The following ZNF804B variants were observed in gnomAD, a reference collection of about 807,000 sequenced individuals.
ZNF804B encodes the protein zinc finger 804B.
Under a neutral mutation model 101.4 loss-of-function variants are expected in ZNF804B, and 80 were observed. That is an observed-to-expected ratio of 0.79 (90% CI 0.66 to 0.95). The LOEUF (loss-of-function observed/expected upper bound fraction) is 0.95, where lower values mean the gene tolerates loss of function less well. Among genes scored for constraint, ZNF804B ranks in the 40% least tolerant of loss-of-function variants. The pLI, the probability that ZNF804B is intolerant of heterozygous loss-of-function variation, is 0.00. For missense variants in ZNF804B, 1,673 were observed against 1,561.9 expected, an observed-to-expected ratio of 1.07 and a Z score of -1.20; for synonymous variants, 622 against 558.8, an observed-to-expected ratio of 1.11 and a Z score of -1.59.
At chr7:89,319,917 T>C (rs1004429006) in intron 2 of ZNF804B, among the ~76,000 whole-genome samples, 2 of 152,182 alleles carry the variant, frequency 1.3e-5, no homozygotes, top group African/African-American at 2.4e-5. Context: ...AAATATTATA[T>C]GCATTAATCT....
intron 2 of ZNF804B, among the ~76,000 whole-genome samples, chr7:89,249,723 A>G (rs1056587291): frequency 1.3e-5 from 2 of 152,192 alleles, no homozygotes; most frequent in Non-Finnish European, 1.5e-5. Context: ...TCGCACCTAC[A>G]GGAAATAAAA....
chr7:89,099,611 A>G (rs1305345437), intron 1 of ZNF804B, among the ~76,000 whole-genome samples: 1 of 152,200 alleles, frequency 6.6e-6, no homozygotes, highest in African/African-American at 2.4e-5. Context: ...ATTGATAGGC[A>G]TGGTGATCAA....
chr7:89,220,130 C>A (rs1788978990), intron 2 of ZNF804B, among the ~76,000 whole-genome samples: 1 of 132,540 alleles, frequency 7.5e-6, no homozygotes, highest in African/African-American at 3.1e-5. Context: ...TATATACGCA[C>A]ACATATATGT....
intron 2 of ZNF804B, among the ~76,000 whole-genome samples, chr7:89,326,676 C>T (rs1790901277): frequency 6.6e-6 from 1 of 151,978 alleles, no homozygotes; most frequent in Non-Finnish European, 1.5e-5. Context: ...AGAGGTCTTA[C>T]TTGCATGTAA....
At chr7:89,047,893 CTTTT>C (rs10569115) in intron 1 of ZNF804B, among the ~76,000 whole-genome samples, 81 of 150,682 alleles carry the variant, frequency 5.4e-4, no homozygotes, top group South Asian at 2.3e-3. Flanking sequence ...TGGCTAAATC[CTTTT>C]TTTTTTTTCC....
At chr7:89,052,463 A>G (rs1469376538) in intron 1 of ZNF804B, among the ~76,000 whole-genome samples, 1 of 152,228 alleles carries the variant, frequency 6.6e-6, no homozygotes, top group African/African-American at 2.4e-5. Flanking sequence ...TAATTAAAAT[A>G]GTAAATAATT....
intron 1 of ZNF804B, among the ~76,000 whole-genome samples, chr7:89,111,725 A>G (rs1376191449): frequency 6.6e-6 from 1 of 152,180 alleles, no homozygotes. Flanking sequence ...ATAAAAATCA[A>G]CTTATTAATT....
At chr7:89,032,101 G>A (rs535981767) in intron 1 of ZNF804B, among the ~76,000 whole-genome samples, 2 of 152,092 alleles carry the variant, frequency 1.3e-5, no homozygotes, top group East Asian at 3.9e-4. Context: ...TTTATTTTGA[G>A]TTGAAATAAA....
At chr7:89,049,469 A>G (rs373163570) in intron 1 of ZNF804B, among the ~76,000 whole-genome samples, 1 of 152,100 alleles carries the variant, frequency 6.6e-6, no homozygotes, top group Non-Finnish European at 1.5e-5. Flanking sequence ...AATTGGTTAT[A>G]ATGTGAATAC....
intron 1 of ZNF804B, among the ~76,000 whole-genome samples, chr7:89,118,793 C>A (rs1790355177): frequency 6.6e-6 from 1 of 152,076 alleles, no homozygotes; most frequent in Admixed American, 6.6e-5. Context: ...TTAAGAACTG[C>A]AAAATTTGTC....
chr7:89,073,826 A>G (rs1387376391), intron 1 of ZNF804B, among the ~76,000 whole-genome samples: 1 of 152,198 alleles, frequency 6.6e-6, no homozygotes, highest in Admixed American at 6.5e-5. Flanking sequence ...TTTTTATTCT[A>G]AATTTTTAAC....
Position 89,334,175 on chromosome 7 carries a change from C to T in ZNF804B, c.1193C>T (p.Thr398Ile), listed in dbSNP as rs927457870. ...SSLEPSEQKS[T>I]VHLNPNSRIE... Reference sequence around the variant, plus strand: ...CTGGAGCCAAGTGAACAAAAGAGTACAGTGCATCTGAATCCAAATTCCAGA... The same window carrying T: ...CTGGAGCCAAGTGAACAAAAGAGTATAGTGCATCTGAATCCAAATTCCAGA... Residue 398 changes from threonine to isoleucine, a missense_variant, in exon 4 of 4, where the codon ACA becomes ATA. Transcript: ENST00000333190. The T allele has an allele frequency of 1.2e-6, 2 of 1,613,464 alleles. No homozygotes were observed. The highest frequency in any genetic ancestry group is 1.7e-5 in the Admixed American group (1 of 59,868).
chr7:88,811,888 G>C (rs1032448221), intron 1 of ZNF804B, among the ~76,000 whole-genome samples: 1 of 152,100 alleles, frequency 6.6e-6, no homozygotes, highest in African/African-American at 2.4e-5. Context: ...TAGGTGATGA[G>C]TTGATAGGTG....
At chr7:89,312,392 C>A (rs1790660186) in intron 2 of ZNF804B, among the ~76,000 whole-genome samples, 1 of 152,152 alleles carries the variant, frequency 6.6e-6, no homozygotes, top group South Asian at 2.1e-4. Flanking sequence ...CACATTCTAG[C>A]ACATGTCGAA....
At chr7:88,879,458 C>T (rs912266096) in intron 1 of ZNF804B, among the ~76,000 whole-genome samples, 1 of 152,040 alleles carries the variant, frequency 6.6e-6, no homozygotes, top group Admixed American at 6.6e-5. Flanking sequence ...ATGGGAAGCA[C>T]AGATAATGTG....
intron 1 of ZNF804B, among the ~76,000 whole-genome samples, chr7:89,133,059 G>C (rs1488504527): frequency 6.6e-6 from 1 of 151,942 alleles, no homozygotes; most frequent in African/African-American, 2.4e-5. Context: ...AGGGCTCTGA[G>C]ATTTAGGCAG....
chr7:88,952,899 A>G (rs1397555560), intron 1 of ZNF804B, among the ~76,000 whole-genome samples: 1 of 151,850 alleles, frequency 6.6e-6, no homozygotes, highest in Non-Finnish European at 1.5e-5. Context: ...CAACTACAGT[A>G]AGAATACTGA....
At chr7:88,792,348 T>C (rs766288197) in intron 1 of ZNF804B, among the ~76,000 whole-genome samples, 51 of 152,266 alleles carry the variant, frequency 3.3e-4, no homozygotes, top group Admixed American at 1.6e-3. Context: ...TATAAATATA[T>C]AATTTTTATC....
chr7:88,975,003 TC>T (rs1793595278), intron 1 of ZNF804B, among the ~76,000 whole-genome samples: 1 of 151,412 alleles, frequency 6.6e-6, no homozygotes, highest in African/African-American at 2.4e-5. Flanking sequence ...AATTTTTAGC[TC>T]CCCAAAATAA....
Sources: allele counts gnomAD v4.1 joint callset (sites outside exome capture counted in the v4.1 genomes callset), GRCh38; gene constraint gnomAD v4.1.1; transcripts MANE v1.5; gene names NCBI Gene and HGNC (gene_info 2026-07-23, HGNC 2026-07-21).